The following CTNNA2 variants were observed in gnomAD, a reference collection of about 807,000 sequenced individuals.
CTNNA2 encodes the protein catenin alpha 2, also known as catenin alpha-2.
Under a neutral mutation model 101.0 loss-of-function variants are expected in CTNNA2, and 42 were observed. That is an observed-to-expected ratio of 0.42 (90% CI 0.32 to 0.54). CTNNA2 has a LOEUF of 0.54. CTNNA2 is among the 20% of genes least tolerant of loss of function. The pLI, the probability that CTNNA2 is intolerant of heterozygous loss-of-function variation, is 0.14. For synonymous variants in CTNNA2, 450 were observed against 456.4 expected (o/e 0.99, Z 0.18); for missense variants, 871 against 1,223.1 (o/e 0.71, Z 4.29).
At chr2:80,581,280 G>C (rs922616692) in intron 13 of CTNNA2, among the ~76,000 whole-genome samples, 2 of 152,104 alleles carry the variant, frequency 1.3e-5, no homozygotes, top group African/African-American at 2.4e-5. Flanking sequence ...GACCAAATCA[G>C]ATATTCCATC....
chr2:79,626,164 A>T (rs1679289823), intron 1 of CTNNA2, among the ~76,000 whole-genome samples: 1 of 152,190 alleles, frequency 6.6e-6, no homozygotes, highest in Non-Finnish European at 1.5e-5. Flanking sequence ...TCAGTTCCTC[A>T]AGCAGCATTT....
intron 7 of CTNNA2, among the ~76,000 whole-genome samples, chr2:80,292,577 C>T (rs764276215): frequency 2.0e-5 from 3 of 152,144 alleles, no homozygotes; most frequent in African/African-American, 4.8e-5. Context: ...ATTAACACTC[C>T]TATAGGTGGA....
chr2:80,337,393 A>AT (rs1051910237), intron 7 of CTNNA2, among the ~76,000 whole-genome samples: 1 of 151,690 alleles, frequency 6.6e-6, no homozygotes, highest in East Asian at 1.9e-4. Flanking sequence ...AGTAAACGGG[A>AT]TAAAAAAAAA....
At chr2:79,957,238 T>C (rs376837515) in intron 7 of CTNNA2, among the ~76,000 whole-genome samples, 1 of 152,172 alleles carries the variant, frequency 6.6e-6, no homozygotes, top group African/African-American at 2.4e-5. Context: ...AATAAACATA[T>C]AGTGCTGTGC....
chr2:79,500,474 G>A (rs1671307121), intron 4 of CTNNA2, among the ~76,000 whole-genome samples: 1 of 152,140 alleles, frequency 6.6e-6, no homozygotes, highest in Non-Finnish European at 1.5e-5. Flanking sequence ...AGATGGCTCA[G>A]AATAATTGAA....
intron 4 of CTNNA2, among the ~76,000 whole-genome samples, chr2:79,438,292 T>C (rs965452923): frequency 1.3e-5 from 2 of 152,124 alleles, no homozygotes; most frequent in African/African-American, 4.8e-5. Flanking sequence ...CACTATGAAC[T>C]GTCTCTGTCT....
At chr2:80,583,160 C>T (rs1695686595) in intron 14 of CTNNA2, among the ~76,000 whole-genome samples, 1 of 152,156 alleles carries the variant, frequency 6.6e-6, no homozygotes, top group Non-Finnish European at 1.5e-5. Flanking sequence ...ATGCGAATAA[C>T]AGGGTTACCT....
At chr2:79,222,838 C>T (rs1311200780) in intron 2 of CTNNA2, among the ~76,000 whole-genome samples, 1 of 152,038 alleles carries the variant, frequency 6.6e-6, no homozygotes, top group Non-Finnish European at 1.5e-5. Context: ...TCATGAATGG[C>T]ATTAGCGCCC....
At chr2:79,872,144 T>C (rs927594927) in intron 5 of CTNNA2, among the ~76,000 whole-genome samples, 1 of 152,220 alleles carries the variant, frequency 6.6e-6, no homozygotes, top group Non-Finnish European at 1.5e-5. Flanking sequence ...GTGTTCTGCT[T>C]TTTAATTTAT....
At chr2:79,650,161 T>C (rs548628370) in intron 1 of CTNNA2, among the ~76,000 whole-genome samples, 1 of 90,542 alleles carries the variant, frequency 1.1e-5, no homozygotes, top group South Asian at 4.8e-4. Flanking sequence ...CCTGATAGAA[T>C]GTATACTTTT....
At chr2:79,258,684 G>C (rs903001566) in intron 2 of CTNNA2, among the ~76,000 whole-genome samples, 9 of 151,988 alleles carry the variant, frequency 5.9e-5, no homozygotes, top group African/African-American at 2.2e-4. Flanking sequence ...AGAAGTGGCA[G>C]ACTAGGAAGA....
At chr2:79,605,059 A>T (rs1340362713) in intron 1 of CTNNA2, among the ~76,000 whole-genome samples, 3 of 151,666 alleles carry the variant, frequency 2.0e-5, no homozygotes, top group African/African-American at 7.3e-5. Flanking sequence ...AACTAATTTT[A>T]GAATGGACAC....
chr2:80,160,777 T>C (rs1026831090), intron 7 of CTNNA2, among the ~76,000 whole-genome samples: 3 of 152,170 alleles, frequency 2.0e-5, no homozygotes, highest in South Asian at 4.1e-4. Context: ...TTTTCTTGCC[T>C]TATTGAACTG....
chr2:79,424,534 C>T (rs184161643), intron 4 of CTNNA2, among the ~76,000 whole-genome samples: 1 of 152,180 alleles, frequency 6.6e-6, no homozygotes, highest in Admixed American at 6.5e-5. Context: ...ACAAAAGCTA[C>T]CTTATACCTC....
chr2:80,610,976 A>T (rs559295923), intron 17 of CTNNA2, among the ~76,000 whole-genome samples: 1 of 151,058 alleles, frequency 6.6e-6, no homozygotes, highest in Non-Finnish European at 1.5e-5. Flanking sequence ...CTATCTAAGA[A>T]ATACCATTGG....
chr2:79,424,989 A>G (rs184982331), intron 4 of CTNNA2, among the ~76,000 whole-genome samples: 2 of 152,288 alleles, frequency 1.3e-5, no homozygotes, highest in African/African-American at 4.8e-5. Flanking sequence ...CTCTTGCCTT[A>G]ACACAATGGG....
intron 7 of CTNNA2, among the ~76,000 whole-genome samples, chr2:80,173,258 A>G (rs1214106060): frequency 6.6e-6 from 1 of 152,208 alleles, no homozygotes; most frequent in Non-Finnish European, 1.5e-5. Flanking sequence ...GCTCATATTC[A>G]GCACTCAGTA....
intron 3 of CTNNA2, among the ~76,000 whole-genome samples, chr2:79,758,152 A>G (rs1672521873): frequency 6.6e-6 from 1 of 152,222 alleles, no homozygotes; most frequent in Non-Finnish European, 1.5e-5. Context: ...TGATTTGTGC[A>G]TAAAATACTC....
chr2:79,286,604 A>G (rs1362953222), intron 2 of CTNNA2, among the ~76,000 whole-genome samples: 2 of 152,230 alleles, frequency 1.3e-5, no homozygotes, highest in South Asian at 2.1e-4. Context: ...TGGCTTGTAG[A>G]GTTTCTGCCG....
Sources: allele counts gnomAD v4.1 joint callset (sites outside exome capture counted in the v4.1 genomes callset), GRCh38; gene constraint gnomAD v4.1.1; transcripts MANE v1.5; gene names NCBI Gene and HGNC (gene_info 2026-07-23, HGNC 2026-07-21).